Variants in ST3GAL3 observed in about 807,000 individuals in gnomAD.
The protein encoded by ST3GAL3 is ST3 beta-galactoside alpha-2,3-sialyltransferase 3, also known as CMP-N-acetylneuraminate-beta-1,4-galactoside alpha-2,3-sialyltransferase.
ST3GAL3 carries 21 observed loss-of-function variants against 50.1 expected under a neutral mutation model. The ratio of observed to expected loss-of-function variants is 0.42; its 90% confidence interval spans 0.30 to 0.60. The LOEUF (loss-of-function observed/expected upper bound fraction) is 0.60. ST3GAL3 is among the 20% of genes least tolerant of loss of function. ST3GAL3 has a pLI of 0.19. For missense variants in ST3GAL3, 353 were observed against 489.4 expected (o/e 0.72, Z 2.63); for synonymous variants, 183 against 190.0 (o/e 0.96, Z 0.30).
At chr1:43,870,875 A>G (rs1354664835) in intron 5 of ST3GAL3, among the ~76,000 whole-genome samples, 3 of 152,178 alleles carry the variant, frequency 2.0e-5, no homozygotes, top group African/African-American at 7.2e-5. Context: ...ACTGTTGAGC[A>G]TGGAGAAGGC....
At chr1:43,740,337 CAAA>C (rs879854207) in intron 2 of ST3GAL3, among the ~76,000 whole-genome samples, 3 of 77,432 alleles carry the variant, frequency 3.9e-5, no homozygotes, top group African/African-American at 4.7e-5. Context: ...GACTCAGTCT[CAAA>C]AAAAAAAAAA....
intron 2 of ST3GAL3, among the ~76,000 whole-genome samples, chr1:43,782,367 T>G (rs1699637123): frequency 6.6e-6 from 1 of 152,214 alleles, no homozygotes. Context: ...CTGCTAGGTC[T>G]TAGCCTCCTT....
At chr1:43,803,255 C>T (rs1434487264) in intron 3 of ST3GAL3, among the ~76,000 whole-genome samples, 4 of 151,888 alleles carry the variant, frequency 2.6e-5, no homozygotes, top group African/African-American at 7.3e-5. Context: ...CCCTACATGT[C>T]TTGTAGGCCG....
At chr1:43,721,516 C>G (rs2154072960) in intron 1 of ST3GAL3, among the ~76,000 whole-genome samples, 1 of 151,954 alleles carries the variant, frequency 6.6e-6, no homozygotes, top group African/African-American at 2.4e-5. Context: ...GTTGGTCAGG[C>G]TGGTCTCGAA....
At chr1:43,830,684 C>A (rs138063299) in intron 4 of ST3GAL3, among the ~76,000 whole-genome samples, 93 of 152,302 alleles carry the variant, frequency 6.1e-4, no homozygotes, top group African/African-American at 2.1e-3. Context: ...TATAGCCCTT[C>A]CACTGGGCTC....
At chr1:43,866,078 A>G (rs2071264173) in intron 5 of ST3GAL3, among the ~76,000 whole-genome samples, 1 of 152,034 alleles carries the variant, frequency 6.6e-6, no homozygotes, top group Non-Finnish European at 1.5e-5. Context: ...TCTGCCCCAC[A>G]CTCCCATATA....
chr1:43,865,605 T>G (rs541739207), intron 5 of ST3GAL3, among the ~76,000 whole-genome samples: 2 of 152,220 alleles, frequency 1.3e-5, no homozygotes, highest in African/African-American at 4.8e-5. Flanking sequence ...AAAACAAAAT[T>G]AGAGAATGCT....
At chr1:43,914,319 T>G (rs1406653482) in intron 9 of ST3GAL3, 1 of 152,170 alleles carries the variant, frequency 6.6e-6, no homozygotes, top group East Asian at 1.9e-4. Flanking sequence ...TTCTGGGCCT[T>G]AGTCCCCTCT....
intron 5 of ST3GAL3, among the ~76,000 whole-genome samples, chr1:43,888,932 A>G (rs570328434): frequency 3.9e-5 from 6 of 152,184 alleles, no homozygotes; most frequent in Non-Finnish European, 8.8e-5. Context: ...TTAGGAATCT[A>G]TTTCAAAGAT....
intron 1 of ST3GAL3, among the ~76,000 whole-genome samples, chr1:43,735,321 A>G (rs1677922165): frequency 6.6e-6 from 1 of 152,190 alleles, no homozygotes; most frequent in South Asian, 2.1e-4. Flanking sequence ...ATTATCCTGG[A>G]TTATTAAGGT....
At chr1:43,723,404 C>T (rs1331261228) in intron 1 of ST3GAL3, among the ~76,000 whole-genome samples, 2 of 151,940 alleles carry the variant, frequency 1.3e-5, no homozygotes, top group African/African-American at 2.4e-5. Context: ...CCACCACGCC[C>T]GGCCTTCCCT....
At chr1:43,919,823 G>T (rs2082719953) in intron 9 of ST3GAL3, 1 of 170,700 alleles carries the variant, frequency 5.9e-6, no homozygotes, top group Non-Finnish European at 1.3e-5. Flanking sequence ...CCCGTTTTAT[G>T]GTTAAAGAAA....
At position 43,869,391 on chromosome 1, in the gene ST3GAL3, A is replaced by G. The variant is rs565808825; in HGVS notation, c.303-24992A>G. ...GACATCTCTGCCCGTATAGGGTATC[A>G]TAAAGGGCCCCTCCCTGTCACAGTG... On this transcript the variant is annotated intron_variant, in intron 5 of 11. Coordinates refer to ENST00000347631, the MANE Select transcript of ST3GAL3 (RefSeq NM_006279.5). Among the ~76,000 whole-genome samples, 59 of 152,278 alleles carry G rather than the reference A, an allele frequency of 3.9e-4. 1 individual carries two copies. The South Asian group carries it at 0.012, about 30-fold the overall frequency.
intron 3 of ST3GAL3, among the ~76,000 whole-genome samples, chr1:43,803,648 T>C (rs981611134): frequency 2.0e-5 from 3 of 152,248 alleles, no homozygotes; most frequent in African/African-American, 7.2e-5. Context: ...TTCTGAACCT[T>C]TTAAGAGTTT....
intron 4 of ST3GAL3, among the ~76,000 whole-genome samples, chr1:43,822,333 A>G (rs774423416): frequency 1.3e-5 from 2 of 152,168 alleles, no homozygotes; most frequent in African/African-American, 4.8e-5. Flanking sequence ...TGGAAGTTTC[A>G]TCTATTTCTG....
At chr1:43,730,465 T>G (rs578194719) in intron 1 of ST3GAL3, among the ~76,000 whole-genome samples, 58 of 152,320 alleles carry the variant, frequency 3.8e-4, no homozygotes, top group Non-Finnish European at 7.6e-4. Context: ...AATTTTTAGT[T>G]GTTCTCAGTG....
intron 7 of ST3GAL3, 191 bp downstream of exon 7, chr1:43,898,489 G>A: frequency 4.5e-6 from 3 of 665,890 alleles, no homozygotes; most frequent in Non-Finnish European, 8.2e-6. Context: ...CCCACGGGCT[G>A]TCAGCACTTG....
At chr1:43,780,102 G>T (rs1043121758) in intron 2 of ST3GAL3, among the ~76,000 whole-genome samples, 1 of 152,052 alleles carries the variant, frequency 6.6e-6, no homozygotes, top group Non-Finnish European at 1.5e-5. Context: ...ATCTTGTACT[G>T]ATTTCCTGAG....
At chr1:43,841,870 TA>T (rs2065435187) in intron 5 of ST3GAL3, 2 of 152,246 alleles carry the variant, frequency 1.3e-5, no homozygotes, top group African/African-American at 4.8e-5. Flanking sequence ...CCCTTTTAAA[TA>T]TAAATTCCAA....
Sources: allele counts gnomAD v4.1 joint callset (sites outside exome capture counted in the v4.1 genomes callset), GRCh38; gene constraint gnomAD v4.1.1; transcripts MANE v1.5; gene names NCBI Gene and HGNC (gene_info 2026-07-23, HGNC 2026-07-21).